The following SAMSN1 variants were observed in gnomAD, a reference collection of about 807,000 sequenced individuals.
The protein encoded by SAMSN1 is SAM domain, SH3 domain and nuclear localization signals 1.
SAMSN1 carries 31 observed loss-of-function variants against 42.0 expected under a neutral mutation model. The observed-to-expected ratio is 0.74, with a 90% CI of 0.55 to 1.00. SAMSN1 has a LOEUF of 1.00. Ranked by LOEUF, SAMSN1 falls within the 50% of genes least tolerant of loss-of-function variation. SAMSN1 has a pLI of 0.00. For missense variants in SAMSN1, 464 were observed against 439.4 expected (o/e 1.06, Z -0.50); for synonymous variants, 178 against 151.9 (o/e 1.17, Z -1.26).
chr21:14,648,423 T>A (rs1281042376), intron 1 of SAMSN1, among the ~76,000 whole-genome samples: 1 of 151,968 alleles, frequency 6.6e-6, no homozygotes, highest in Non-Finnish European at 1.5e-5. Flanking sequence ...ACAAATGGGA[T>A]CTAATTAAAC....
chr21:14,648,182 A>G (rs1012897347), intron 1 of SAMSN1, among the ~76,000 whole-genome samples: 23 of 152,280 alleles, frequency 1.5e-4, no homozygotes, highest in Non-Finnish European at 2.6e-4. Flanking sequence ...ATTTATTGAG[A>G]GTTTTTAGCA....
intron 2 of SAMSN1, among the ~76,000 whole-genome samples, chr21:14,575,862 C>G (rs1236127914): frequency 6.6e-6 from 1 of 152,178 alleles, no homozygotes; most frequent in African/African-American, 2.4e-5. Flanking sequence ...TACTGGTCCT[C>G]TCTAGCCTTA....
chr21:14,651,861 G>A (rs1983842628), intron 1 of SAMSN1, among the ~76,000 whole-genome samples: 1 of 151,876 alleles, frequency 6.6e-6, no homozygotes, highest in African/African-American at 2.4e-5. Flanking sequence ...AATACCAGTA[G>A]CATTTCTATG....
At chr21:14,580,406 A>G (rs1381777393) in intron 2 of SAMSN1, among the ~76,000 whole-genome samples, 18 of 152,226 alleles carry the variant, frequency 1.2e-4, no homozygotes, top group Admixed American at 1.2e-3. Flanking sequence ...TCAGATGCCT[A>G]TACAACAGCT....
intron 1 of SAMSN1, among the ~76,000 whole-genome samples, chr21:14,541,504 GAT>G (rs370358175): frequency 7.2e-4 from 110 of 152,102 alleles, no homozygotes; most frequent in African/African-American, 2.6e-3. Context: ...ATTTGTTTGT[GAT>G]TTTTTGTGGT....
chr21:14,492,024 C>T (rs1983538), intron 7 of SAMSN1, among the ~76,000 whole-genome samples: 45,258 of 151,178 alleles, frequency 0.3, 9,467 homozygotes, highest in East Asian at 0.72. Context: ...AAAACTACTT[C>T]ATTGTTTGGG....
intron 2 of SAMSN1, among the ~76,000 whole-genome samples, chr21:14,626,346 T>G (rs1208940912): frequency 6.6e-6 from 1 of 152,158 alleles, no homozygotes; most frequent in Non-Finnish European, 1.5e-5. Flanking sequence ...ACAGGCAACC[T>G]ATAGAGTGGG....
intron 7 of SAMSN1, among the ~76,000 whole-genome samples, chr21:14,493,811 G>A (rs1001868922): frequency 2.0e-5 from 3 of 152,092 alleles, no homozygotes; most frequent in Admixed American, 6.5e-5. Context: ...TGAGGGAACC[G>A]ATGACCTAAT....
upstream of SAMSN1, among the ~76,000 whole-genome samples, chr21:14,548,539 T>C (rs1250604114): frequency 1.3e-5 from 2 of 152,160 alleles, no homozygotes; most frequent in African/African-American, 4.8e-5. Flanking sequence ...CTTCACCATC[T>C]TTAACATTAC....
chr21:14,494,604 G>A (rs1986833570), intron 7 of SAMSN1, among the ~76,000 whole-genome samples: 1 of 151,870 alleles, frequency 6.6e-6, no homozygotes. Context: ...AATACCTAAT[G>A]TAGATGAAGG....
At chr21:14,486,262 G>T in intron 7 of SAMSN1, 148 bp from the exon 8 acceptor site, 1 of 624,512 alleles carries the variant, frequency 1.6e-6, no homozygotes, top group Non-Finnish European at 2.8e-6. Context: ...AGGTATCTTT[G>T]TTTATTACAA....
Position 14,581,418 on chromosome 21 carries a change from G to A in SAMSN1, c.261+718C>T, listed in dbSNP as rs1384690012. On this transcript the variant is annotated intron_variant, in intron 2 of 8. Transcript: ENST00000285670. ...CAGTCGCCCAGGCTGGAGGGCAGTG[G>A]CGCGATCTCGGCTCACTGCAAGCTC... Among the ~76,000 whole-genome samples the A allele has an allele frequency of 4.4e-5, 6 of 137,542 alleles. No individual in the cohort carries two copies. The Admixed American group carries it at 4.6e-4, about 11-fold the overall frequency. 90.2% of individuals were successfully genotyped at this position (137,542 alleles called of 152,430 possible). A position where few individuals can be genotyped will look rare whatever the true frequency, so the allele number is the denominator to read the frequency against.
chr21:14,589,669 G>C (rs781010738), intron 7 of SAMSN1, among the ~76,000 whole-genome samples: 32 of 151,980 alleles, frequency 2.1e-4, no homozygotes, highest in African/African-American at 7.5e-4. Context: ...GGCTTATGGA[G>C]ACTAACAAAA....
chr21:14,601,265 C>A (rs1982422390), intron 6 of SAMSN1, among the ~76,000 whole-genome samples: 1 of 152,172 alleles, frequency 6.6e-6, no homozygotes, highest in Non-Finnish European at 1.5e-5. Context: ...AGCAGAAACT[C>A]TAGTGGATCA....
intron 5 of SAMSN1, among the ~76,000 whole-genome samples, chr21:14,505,163 A>G (rs992237133): frequency 2.0e-5 from 3 of 152,130 alleles, no homozygotes; most frequent in African/African-American, 7.3e-5. Context: ...GACCTATCAA[A>G]CAAAAATACA....
At chr21:14,580,482 A>G (rs1158846038) in intron 2 of SAMSN1, among the ~76,000 whole-genome samples, 1 of 152,228 alleles carries the variant, frequency 6.6e-6, no homozygotes, top group Non-Finnish European at 1.5e-5. Flanking sequence ...GAGTCATCAG[A>G]AGCACGTCCT....
chr21:14,541,269 A>G (rs985107021), intron 1 of SAMSN1, among the ~76,000 whole-genome samples: 1 of 152,124 alleles, frequency 6.6e-6, no homozygotes, highest in Non-Finnish European at 1.5e-5. Context: ...CTTAAAGTAT[A>G]ATAATGGAAA....
intron 1 of SAMSN1, among the ~76,000 whole-genome samples, chr21:14,582,692 T>C (rs1725851689): frequency 6.6e-6 from 1 of 152,148 alleles, no homozygotes; most frequent in African/African-American, 2.4e-5. Context: ...AAAAGTCGCA[T>C]TTTTCTGACA....
chr21:14,626,286 A>T (rs1983167980), intron 2 of SAMSN1, among the ~76,000 whole-genome samples: 1 of 152,238 alleles, frequency 6.6e-6, no homozygotes, highest in Non-Finnish European at 1.5e-5. Flanking sequence ...ACTGGGATCT[A>T]ATTAAACTAA....
Sources: gnomAD v4.1 joint callset for allele counts (sites outside exome capture counted in the v4.1 genomes callset) on GRCh38, gnomAD v4.1.1 for gene constraint, MANE v1.5 for transcripts, NCBI Gene and HGNC (gene_info 2026-07-23, HGNC 2026-07-21) for gene names.